The following IRAG2 variants were observed in gnomAD, a reference collection of about 807,000 sequenced individuals.
IRAG2 encodes lymphoid restricted membrane protein.
Under a neutral mutation model 69.9 loss-of-function variants are expected in IRAG2, and 45 were observed. The ratio of observed to expected loss-of-function variants is 0.64; its 90% CI spans 0.51 to 0.83. IRAG2 has a LOEUF of 0.83. Ranked by LOEUF, IRAG2 falls within the 40% of genes least tolerant of loss-of-function variation. The pLI, the probability that IRAG2 is intolerant of heterozygous loss-of-function variation, is 0.00. For synonymous variants in IRAG2, 193 were observed against 202.4 expected (o/e 0.95, Z 0.40); for missense variants, 520 against 587.0 (o/e 0.89, Z 1.18).
intron 5 of IRAG2, 78 bp from the exon 6 acceptor site, chr12:25,069,272 A>G (rs1946175534): frequency 1.5e-6 from 1 of 657,748 alleles, no homozygotes; most frequent in African/African-American, 1.8e-5. Context: ...GGGGAGTGAG[A>G]ACCATGTTAT....
intron 17 of IRAG2, chr12:25,102,607 A>C (rs1948819768): frequency 5.0e-6 from 1 of 200,734 alleles, no homozygotes; most frequent in Non-Finnish European, 1.0e-5. Context: ...TAAGATGGCT[A>C]CTTTAGATCC....
chr12:25,057,065 G>A (rs1011881041), intron 1 of IRAG2, among the ~76,000 whole-genome samples: 2 of 151,998 alleles, frequency 1.3e-5, no homozygotes, highest in African/African-American at 2.4e-5. Context: ...TCTAGTGAAA[G>A]CATCACCAGC....
intron 5 of IRAG2, chr12:25,017,018 TAA>T (rs200270514): frequency 0.061 from 36,339 of 595,118 alleles, 716 homozygotes; most frequent in Middle Eastern, 0.079. Context: ...AGGGTAAAGT[TAA>T]AAAAAAAAAA....
intron 16 of IRAG2, among the ~76,000 whole-genome samples, chr12:25,043,462 G>T (rs141246192): frequency 1.3e-5 from 2 of 152,230 alleles, no homozygotes; most frequent in Non-Finnish European, 2.9e-5. Flanking sequence ...GCATGCATGC[G>T]CTTGCTGGAG....
At chr12:25,036,629 A>G in exon 15 of IRAG2, 1 of 398,938 alleles carries the variant, frequency 2.5e-6, no homozygotes, top group African/African-American at 2.1e-5. Flanking sequence ...AAAACTCTCG[A>G]CGGTGGGTAA....
intron 19 of IRAG2, 99 bp from the exon 20 acceptor site, chr12:25,104,262 G>T: frequency 1.1e-6 from 1 of 921,238 alleles, no homozygotes; most frequent in Non-Finnish European, 1.7e-6. Flanking sequence ...AAAATAATTA[G>T]GACATATAAT....
intron 15 of IRAG2, among the ~76,000 whole-genome samples, chr12:25,100,667 A>C (rs1047869460): frequency 1.3e-5 from 2 of 152,178 alleles, no homozygotes; most frequent in Non-Finnish European, 2.9e-5. Context: ...TGTTGTTTTC[A>C]GCATGATAGA....
chr12:25,101,865 T>C (rs371341350), intron 16 of IRAG2: 2 of 525,294 alleles, frequency 3.8e-6, no homozygotes, highest in African/African-American at 3.8e-5. Context: ...ATTTCAAGAA[T>C]CTGTTCCCTG....
At chr12:25,101,154 T>C in intron 15 of IRAG2, 24 bp from the exon 16 acceptor site, 1 of 1,586,042 alleles carries the variant, frequency 6.3e-7, no homozygotes, top group Non-Finnish European at 8.6e-7. Context: ...TCAATGTAAA[T>C]GTGCTCGTTT....
chr12:25,077,132 G>A (rs1403355545), intron 6 of IRAG2, among the ~76,000 whole-genome samples: 4 of 139,210 alleles, frequency 2.9e-5, no homozygotes. Context: ...GCCTTCCAAA[G>A]TGTTGAGATT....
the IRAG2 span, chr12:24,997,645 A>C: frequency 3.3e-5 from 5 of 153,632 alleles, no homozygotes; most frequent in East Asian, 1.9e-4. Flanking sequence ...GAAATAATTA[A>C]ATTTTGGCTG....
chr12:25,035,926 A>C (rs1944699085), intron 14 of IRAG2: 4 of 396,446 alleles, frequency 1.0e-5, no homozygotes, highest in African/African-American at 2.1e-5. Context: ...TGAAAAGCGA[A>C]GGTTTTTCTC....
chr12:25,020,774 C>T (rs906943285), intron 6 of IRAG2: 2 of 1,174,830 alleles, frequency 1.7e-6, no homozygotes, highest in Non-Finnish European at 2.1e-6. Context: ...ATGGCCTTCT[C>T]CCCCCACCCC....
chr12:25,073,229 G>A (rs1186615450), intron 6 of IRAG2, among the ~76,000 whole-genome samples: 1 of 152,130 alleles, frequency 6.6e-6, no homozygotes, highest in Non-Finnish European at 1.5e-5. Context: ...TTGCATTGTA[G>A]TTATTTATTT....
intron 7 of IRAG2, among the ~76,000 whole-genome samples, chr12:25,022,887 A>C (rs575556174): frequency 3.3e-4 from 51 of 152,348 alleles, no homozygotes; most frequent in Non-Finnish European, 6.5e-4. Context: ...GTACTTTGGG[A>C]GGCTGAGGTG....
chr12:25,009,642 T>C (rs916457540), intron 2 of IRAG2, among the ~76,000 whole-genome samples: 1 of 152,192 alleles, frequency 6.6e-6, no homozygotes, highest in Non-Finnish European at 1.5e-5. Flanking sequence ...TCCCAAGATC[T>C]GCAGGATGTC....
At chr12:25,074,385 A>G (rs145674910) in intron 6 of IRAG2, among the ~76,000 whole-genome samples, 1 of 152,284 alleles carries the variant, frequency 6.6e-6, no homozygotes, top group East Asian at 1.9e-4. Flanking sequence ...GGTGAATACC[A>G]AATATATCCC....
At chr12:25,092,393 T>C (rs1192476349) in intron 14 of IRAG2, among the ~76,000 whole-genome samples, 6 of 104,308 alleles carry the variant, frequency 5.8e-5, no homozygotes, top group African/African-American at 7.9e-5. Flanking sequence ...AGAGTGAAAC[T>C]CCATCTCAAA....
intron 1 of IRAG2, among the ~76,000 whole-genome samples, chr12:25,059,902 G>C (rs1409624701): frequency 6.6e-6 from 1 of 151,902 alleles, no homozygotes; most frequent in Non-Finnish European, 1.5e-5. Flanking sequence ...CTTTTCATTA[G>C]CATTATGCTC....
Sources: allele counts gnomAD v4.1 joint callset (sites outside exome capture counted in the v4.1 genomes callset), GRCh38; gene constraint gnomAD v4.1.1; transcripts MANE v1.5; gene names NCBI Gene and HGNC (gene_info 2026-07-23, HGNC 2026-07-21).